The following STXBP5L variants were observed in gnomAD, a reference collection of about 807,000 sequenced individuals.
STXBP5L encodes syntaxin-binding protein 5-like.
In STXBP5L, 65 loss-of-function variants were observed where a neutral mutation model predicts 144.5. The observed-to-expected ratio is 0.45, with a 90% CI of 0.37 to 0.55. The LOEUF (loss-of-function observed/expected upper bound fraction) is 0.55. Ranked by LOEUF, STXBP5L falls within the 20% of genes least tolerant of loss-of-function variation. STXBP5L has a pLI of 0.00. For synonymous variants in STXBP5L, 505 were observed against 469.6 expected (o/e 1.08, Z -0.97); for missense variants, 1,298 against 1,405.5 (o/e 0.92, Z 1.22).
chr3:121,020,631 TC>T (rs1004167877), intron 3 of STXBP5L, among the ~76,000 whole-genome samples: 15 of 152,198 alleles, frequency 9.9e-5, no homozygotes, highest in African/African-American at 2.9e-4. Context: ...AAAACAATTA[TC>T]AGGCAAGAAT....
At chr3:121,105,107 G>A (rs2043631986) in intron 5 of STXBP5L, among the ~76,000 whole-genome samples, 2 of 152,058 alleles carry the variant, frequency 1.3e-5, no homozygotes, top group South Asian at 4.1e-4. Flanking sequence ...CTCAAAAGAT[G>A]TACAAGTGGA....
Position 121,201,710 on chromosome 3 carries a change from G to A in STXBP5L, c.878-4213G>A, listed in dbSNP as rs538694404. Among the ~76,000 whole-genome samples the A allele has an allele frequency of 1.3e-4, 20 of 151,804 alleles. No individual in the cohort carries two copies. In the South Asian group the frequency reaches 4.0e-3, roughly 30 times the overall value. On this transcript the variant is annotated intron_variant, in intron 9 of 26. Transcript: ENST00000471454. ...TCAGGAGCTCTTGTAAGGCAGACCT[G>A]GTGGTGACAATATCCCTCAACATTT...
rs2048512280 is a variant in STXBP5L, at chr3:121,210,385, G to T, written c.956+4384G>T. On this transcript the variant is annotated intron_variant, in intron 10 of 26. Coordinates refer to ENST00000471454, the MANE Select transcript of STXBP5L (RefSeq NM_001308330.2). ...TTTTCTCCCATTCTGTAGGTTGCCTGTTCACTCTGATGGTCGTTTCTTTTG... is the reference window on the plus strand; with the variant it reads ...TTTTCTCCCATTCTGTAGGTTGCCTTTTCACTCTGATGGTCGTTTCTTTTG... Among the ~76,000 whole-genome samples the T allele has an allele frequency of 2.0e-5, 3 of 152,032 alleles. No individual in the cohort carries two copies. In the South Asian group the frequency reaches 6.2e-4, roughly 32 times the overall value.
intron 5 of STXBP5L, among the ~76,000 whole-genome samples, chr3:121,047,380 T>G (rs1237758907): frequency 6.6e-6 from 1 of 152,084 alleles, no homozygotes; most frequent in Non-Finnish European, 1.5e-5. Context: ...TTTGGTGAAG[T>G]GTTAAGTTTA....
At position 120,978,529 on chromosome 3, in the gene STXBP5L, C is replaced by A. The variant is rs529735174; in HGVS notation, c.287+23492C>A. 3.3e-5 allele frequency among the ~76,000 whole-genome samples: 5 copies of A among 152,244 alleles called. No individual in the cohort carries two copies. In the East Asian group the frequency reaches 5.8e-4, roughly 18 times the overall value. On this transcript the variant is annotated intron_variant, in intron 3 of 26. Transcript: ENST00000471454. ...CTCGGAGTAGTTTGATCGTCTGAAG[C>A]CTTCTTCTCTCAACTCGTCAAAGTC...
At chr3:121,074,897 T>G (rs1424323896) in intron 5 of STXBP5L, among the ~76,000 whole-genome samples, 1 of 152,212 alleles carries the variant, frequency 6.6e-6, no homozygotes, top group South Asian at 2.1e-4. Flanking sequence ...TCTTGTAGAT[T>G]TGAAGTAAGG....
At chr3:121,273,339 A>G (rs1473411920) in intron 18 of STXBP5L, among the ~76,000 whole-genome samples, 1 of 151,054 alleles carries the variant, frequency 6.6e-6, no homozygotes, top group Non-Finnish European at 1.5e-5. Flanking sequence ...AAATCATCCC[A>G]TTCTCTGGTG....
At chr3:121,181,076 G>A (rs766388389) in intron 9 of STXBP5L, among the ~76,000 whole-genome samples, 4 of 150,578 alleles carry the variant, frequency 2.7e-5, no homozygotes, top group Non-Finnish European at 4.4e-5. Context: ...CTCCAGCCTG[G>A]GCAACAAGAG....
At chr3:120,955,092 T>A in intron 3 of STXBP5L, 55 bp downstream of exon 3, 2 of 1,232,544 alleles carry the variant, frequency 1.6e-6, no homozygotes, top group Non-Finnish European at 1.2e-6. Flanking sequence ...TACATTTCTT[T>A]AAATATTCAG....
At chr3:121,165,123 C>T (rs992189055) in intron 9 of STXBP5L, among the ~76,000 whole-genome samples, 2 of 152,082 alleles carry the variant, frequency 1.3e-5, no homozygotes. Context: ...CATTCCATAA[C>T]GTCATGTTGT....
At chr3:121,133,317 T>G (rs936531437) in intron 7 of STXBP5L, among the ~76,000 whole-genome samples, 1 of 152,282 alleles carries the variant, frequency 6.6e-6, no homozygotes, top group East Asian at 1.9e-4. Context: ...AAGAAATCTA[T>G]GTTCAGATAT....
rs534433209 is a variant in STXBP5L at position 121,217,698 on chromosome 3, T to C, written c.957-5305T>C. ...AAATCTTTTCTCTTTCCTTCAGTTT[T>C]GAGCCATGAGGATTTCTTATAATCT... On this transcript the variant is annotated intron_variant, in intron 10 of 26. Coordinates refer to ENST00000471454, the MANE Select transcript of STXBP5L (RefSeq NM_001308330.2). 5.7e-4 allele frequency among the ~76,000 whole-genome samples: 87 copies of C among 152,280 alleles called. 4 individuals are homozygous for C. The highest frequency in any genetic ancestry group is 4.3e-3 in the South Asian group (21 of 4,832).
intron 18 of STXBP5L, among the ~76,000 whole-genome samples, chr3:121,266,858 T>C (rs2050582170): frequency 6.6e-6 from 1 of 151,986 alleles, no homozygotes; most frequent in Non-Finnish European, 1.5e-5. Flanking sequence ...GAACTCTCAT[T>C]CACAGTTGCT....
intron 20 of STXBP5L, among the ~76,000 whole-genome samples, chr3:121,363,625 C>A (rs2045780515): frequency 6.6e-6 from 1 of 152,118 alleles, no homozygotes; most frequent in Admixed American, 6.5e-5. Flanking sequence ...TCACCACTAC[C>A]AAAAGGAGGG....
intron 3 of STXBP5L, among the ~76,000 whole-genome samples, chr3:120,994,261 A>G (rs1217345728): frequency 6.6e-6 from 1 of 151,928 alleles, no homozygotes; most frequent in Non-Finnish European, 1.5e-5. Flanking sequence ...CCTCTTTTCT[A>G]ATTTGGATGC....
intron 2 of STXBP5L, among the ~76,000 whole-genome samples, chr3:120,917,654 T>G (rs561204166): frequency 4.6e-5 from 7 of 152,196 alleles, no homozygotes; most frequent in African/African-American, 1.7e-4. Context: ...TGATCATGAA[T>G]AGCCACTAAT....
intron 5 of STXBP5L, among the ~76,000 whole-genome samples, chr3:121,061,825 A>G (rs943911893): frequency 6.6e-6 from 1 of 152,126 alleles, no homozygotes; most frequent in African/African-American, 2.4e-5. Flanking sequence ...TGCTTGGTAA[A>G]TGTTCCTCCA....
At chr3:121,189,654 G>T (rs557614735) in intron 9 of STXBP5L, among the ~76,000 whole-genome samples, 2 of 152,244 alleles carry the variant, frequency 1.3e-5, no homozygotes, top group East Asian at 1.9e-4. Flanking sequence ...GTCAGGTAGC[G>T]TGATGCCTCC....
At chr3:121,377,808 T>C (rs1345455160) in intron 20 of STXBP5L, among the ~76,000 whole-genome samples, 1 of 152,150 alleles carries the variant, frequency 6.6e-6, no homozygotes, top group Admixed American at 6.5e-5. Context: ...GACCCAGCAA[T>C]CCCATTATGG....
Sources: allele counts gnomAD v4.1 joint callset (sites outside exome capture counted in the v4.1 genomes callset), GRCh38; gene constraint gnomAD v4.1.1; transcripts MANE v1.5; gene names NCBI Gene and HGNC (gene_info 2026-07-23, HGNC 2026-07-21).